The following IL1R1 variants were observed in gnomAD, a reference collection of about 807,000 sequenced individuals.
IL1R1 encodes interleukin 1 receptor type 1.
IL1R1 carries 22 observed loss-of-function variants against 50.2 expected under a neutral mutation model. The observed-to-expected ratio is 0.44, with a 90% CI of 0.31 to 0.63. The LOEUF (loss-of-function observed/expected upper bound fraction) is 0.63, where lower values mean the gene tolerates loss of function less well. Among genes scored for constraint, IL1R1 ranks in the 20% least tolerant of loss-of-function variants. The pLI is 0.07. For synonymous variants in IL1R1, 251 were observed against 236.7 expected, an observed-to-expected ratio of 1.06 and a Z score of -0.55; for missense variants, 509 against 676.2, an observed-to-expected ratio of 0.75 and a Z score of 2.74.
intron 1 of IL1R1, among the ~76,000 whole-genome samples, chr2:102,093,948 C>T (rs1212986759): frequency 6.6e-6 from 1 of 152,224 alleles, no homozygotes; most frequent in Non-Finnish European, 1.5e-5. Flanking sequence ...GGTTCCAGAA[C>T]CTGCCTCCGT....
At chr2:102,100,913 T>A (rs141696430), upstream of IL1R1, among the ~76,000 whole-genome samples, 553 of 152,240 alleles carry the variant, frequency 3.6e-3, 9 homozygotes, top group East Asian at 0.058. Flanking sequence ...AATAGGAGTA[T>A]GATAAGCAGC....
intron 1 of IL1R1, among the ~76,000 whole-genome samples, chr2:102,152,874 G>A (rs1392379784): frequency 6.6e-6 from 1 of 152,100 alleles, no homozygotes; most frequent in East Asian, 1.9e-4. Context: ...AGTTTGTGTA[G>A]TCTAAGGAAA....
intron 1 of IL1R1, among the ~76,000 whole-genome samples, chr2:102,111,448 C>T (rs947369645): frequency 3.3e-5 from 5 of 152,170 alleles, no homozygotes; most frequent in Admixed American, 1.3e-4. Context: ...CTCTGGAGTA[C>T]AACTCAGTTT....
Position 102,174,627 on chromosome 2 carries a change from G to T in IL1R1, c.1032G>T (p.Thr344=). 2 of 1,609,558 alleles carry T rather than the reference G, an allele frequency of 1.2e-6. No homozygotes were observed. Among genetic ancestry groups the T allele is most frequent in the Non-Finnish European group, 8.5e-7 (1 of 1,178,130 alleles). Residue 344 remains threonine (T), a synonymous_variant, in exon 10 of 12, where the codon ACG becomes ACT. Coordinates refer to ENST00000410023, the MANE Select transcript of IL1R1 (RefSeq NM_000877.4). ...FQKHMIGICV[T]LTVIIVCSVF... ...AGCACATGATTGGTATATGTGTCAC[G>T]TTGACAGTCATAATTGTGTGTTCTG...
chr2:102,145,761 G>A (rs1366245468), intron 1 of IL1R1, among the ~76,000 whole-genome samples: 1 of 152,324 alleles, frequency 6.6e-6, no homozygotes, highest in East Asian at 1.9e-4. Context: ...CTGCACCTTA[G>A]CACTGCCTGA....
At chr2:102,097,998 G>C (rs1260902513) in intron 1 of IL1R1, among the ~76,000 whole-genome samples, 3 of 151,844 alleles carry the variant, frequency 2.0e-5, no homozygotes, top group African/African-American at 4.8e-5. Flanking sequence ...TCAACTTAGA[G>C]GCACAAATCT....
At chr2:102,120,760 C>A (rs539329135) in intron 1 of IL1R1, among the ~76,000 whole-genome samples, 2 of 152,282 alleles carry the variant, frequency 1.3e-5, no homozygotes, top group South Asian at 4.2e-4. Context: ...ATGTATTATC[C>A]CTCCACGCTC....
chr2:102,112,311 C>CGTGTGTGTGTGT (rs146015817), intron 1 of IL1R1, among the ~76,000 whole-genome samples: 1 of 147,912 alleles, frequency 6.8e-6, no homozygotes, highest in East Asian at 2.0e-4. Context: ...TGGGGATTAA[C>CGTGTGTGTGTGT]GTGTGTGTGT....
intron 1 of IL1R1, among the ~76,000 whole-genome samples, chr2:102,124,819 G>C (rs1358798672): frequency 6.6e-6 from 1 of 152,028 alleles, no homozygotes; most frequent in Non-Finnish European, 1.5e-5. Context: ...GGGAAGCTGA[G>C]GCAGGAGAAT....
intron 1 of IL1R1, among the ~76,000 whole-genome samples, chr2:102,131,255 A>T (rs1388199743): frequency 1.3e-5 from 2 of 152,238 alleles, no homozygotes; most frequent in Non-Finnish European, 2.9e-5. Flanking sequence ...CAAAAGAATC[A>T]AACTATTCTC....
chr2:102,158,939 T>C (rs1412703397), intron 3 of IL1R1, among the ~76,000 whole-genome samples: 2 of 152,062 alleles, frequency 1.3e-5, no homozygotes, highest in South Asian at 2.1e-4. Context: ...AAGTGAGAAG[T>C]AGACAAATTT....
chr2:102,172,480 A>G (rs1007654725), intron 8 of IL1R1: 4 of 1,184,198 alleles, frequency 3.4e-6, no homozygotes, highest in Non-Finnish European at 4.3e-6. Context: ...TTTCTCTGCT[A>G]CTGAGCCTGT....
intron 7 of IL1R1, among the ~76,000 whole-genome samples, chr2:102,169,145 T>G (rs1685455753): frequency 6.6e-6 from 1 of 152,204 alleles, no homozygotes; most frequent in African/African-American, 2.4e-5. Context: ...ACATCAGCAG[T>G]GTTACAATTT....
upstream of IL1R1, among the ~76,000 whole-genome samples, chr2:102,101,703 G>T (rs1424056048): frequency 2.6e-5 from 4 of 152,200 alleles, no homozygotes; most frequent in African/African-American, 9.7e-5. Context: ...GACCTTTTAT[G>T]TATAAACACA....
At chr2:102,172,180 C>T (rs1203180539) in intron 8 of IL1R1, 5 of 735,440 alleles carry the variant, frequency 6.8e-6, no homozygotes, top group South Asian at 1.2e-4. Context: ...AACATTTCAA[C>T]GAAGCAATTA....
At chr2:102,118,557 T>C (rs918208403) in intron 1 of IL1R1, among the ~76,000 whole-genome samples, 6 of 152,072 alleles carry the variant, frequency 3.9e-5, no homozygotes, top group Non-Finnish European at 7.4e-5. Flanking sequence ...TGGGGGGCAG[T>C]CTTGTGGGAC....
intron 1 of IL1R1, among the ~76,000 whole-genome samples, chr2:102,136,283 T>C (rs1463627351): frequency 1.3e-5 from 2 of 151,918 alleles, no homozygotes; most frequent in East Asian, 1.9e-4. Flanking sequence ...AAGGAATCAG[T>C]GGTCCTATCG....
intron 1 of IL1R1, among the ~76,000 whole-genome samples, chr2:102,073,540 G>A (rs999848904): frequency 1.2e-4 from 18 of 152,094 alleles, no homozygotes; most frequent in African/African-American, 4.1e-4. Flanking sequence ...TGACAGGGAA[G>A]CACTGGTGGC....
intron 1 of IL1R1, among the ~76,000 whole-genome samples, chr2:102,123,194 A>T (rs527987977): frequency 6.6e-6 from 1 of 152,248 alleles, no homozygotes; most frequent in Non-Finnish European, 1.5e-5. Flanking sequence ...TAAAATGCCA[A>T]AGTTTTATCA....
Sources: gnomAD v4.1 joint callset for allele counts (sites outside exome capture counted in the v4.1 genomes callset) on GRCh38, gnomAD v4.1.1 for gene constraint, MANE v1.5 for transcripts, NCBI Gene and HGNC (gene_info 2026-07-23, HGNC 2026-07-21) for gene names.